Variants in ABCA1 observed in about 807,000 individuals in gnomAD.
The protein encoded by ABCA1 is ATP binding cassette subfamily A member 1.
ABCA1 carries 133 observed loss-of-function variants against 262.5 expected under a neutral mutation model. The observed-to-expected ratio is 0.51, with a 90% CI of 0.44 to 0.59. The LOEUF is 0.59. ABCA1 is among the 20% of genes least tolerant of loss of function. The probability of loss-of-function intolerance (pLI) is 0.00; values close to 1 mark genes in which losing one functional copy is unlikely to be tolerated. For synonymous variants in ABCA1, 1,022 were observed against 1,043.5 expected, an observed-to-expected ratio of 0.98 and a Z score of 0.40; for missense variants, 2,452 against 2,777.5, an observed-to-expected ratio of 0.88 and a Z score of 2.63.
chr9:104,901,615 C>T (rs564074957), intron 2 of ABCA1, among the ~76,000 whole-genome samples: 8 of 152,140 alleles, frequency 5.3e-5, no homozygotes, highest in African/African-American at 1.4e-4. Context: ...GGGATAACCA[C>T]GGGAGGCAGG....
At chr9:104,913,978 T>C (rs1180078530) in intron 1 of ABCA1, among the ~76,000 whole-genome samples, 1 of 151,784 alleles carries the variant, frequency 6.6e-6, no homozygotes, top group Non-Finnish European at 1.5e-5. Context: ...TTTTTGTATT[T>C]TTAGTAGAGA....
intron 1 of ABCA1, among the ~76,000 whole-genome samples, chr9:104,906,045 C>T (rs1841108444): frequency 6.6e-6 from 1 of 152,212 alleles, no homozygotes; most frequent in East Asian, 1.9e-4. Context: ...AATTTCCCAA[C>T]ACAGTACATG....
Position 104,913,448 on chromosome 9 carries a change from A to G in ABCA1, c.-92-9677T>C, listed in dbSNP as rs556324267. 3.9e-5 allele frequency among the ~76,000 whole-genome samples: 6 copies of G among 152,356 alleles called. 1 individual carries two copies. Among genetic ancestry groups the G allele is most frequent in the Non-Finnish European group, 8.8e-5 (6 of 68,034 alleles). ...AGTTCCTGGAACAAAGTAAGTGTAC[A>G]GTAGCTATTACCATGATTAATTCTG... On this transcript the variant is annotated intron_variant, in intron 1 of 49. Transcript: ENST00000374736.
chr9:104,794,614 A>C (rs1488830814), intron 39 of ABCA1, 104 bp from the exon 40 acceptor site: 1 of 1,386,582 alleles, frequency 7.2e-7, no homozygotes, highest in Admixed American at 2.2e-5. Context: ...GAAATATGGG[A>C]GTGAAGAAAA....
intron 1 of ABCA1, among the ~76,000 whole-genome samples, chr9:104,926,304 CTTTG>C (rs532242665): frequency 1.3e-4 from 20 of 152,188 alleles, no homozygotes; most frequent in African/African-American, 2.9e-4. Context: ...CAACTTTTTT[CTTTG>C]TTTATTTTTA....
intron 1 of ABCA1, among the ~76,000 whole-genome samples, chr9:104,920,560 T>C (rs531685446): frequency 3.3e-5 from 5 of 152,228 alleles, no homozygotes; most frequent in South Asian, 2.1e-4. Flanking sequence ...GGAGTCTCGC[T>C]CTGTGCAGTG....
At chr9:104,876,133 C>T (rs1297725273) in intron 5 of ABCA1, among the ~76,000 whole-genome samples, 1 of 152,176 alleles carries the variant, frequency 6.6e-6, no homozygotes, top group Non-Finnish European at 1.5e-5. Flanking sequence ...ACAGCCCTGC[C>T]CACACCACTT....
chr9:104,789,538 G>C (rs977653634), intron 44 of ABCA1, among the ~76,000 whole-genome samples: 2 of 152,192 alleles, frequency 1.3e-5, no homozygotes, highest in Non-Finnish European at 2.9e-5. Context: ...CAAATTGTGA[G>C]TCATTGTTCA....
intron 5 of ABCA1, among the ~76,000 whole-genome samples, chr9:104,868,873 T>C (rs1278325317): frequency 6.6e-6 from 1 of 151,688 alleles, no homozygotes; most frequent in African/African-American, 2.4e-5. Context: ...GAGGAACACA[T>C]TTGCACGTGC....
rs1482552424 is a variant in ABCA1, at chr9:104,858,502, C to T, written c.720+20G>A. On this transcript the variant is annotated intron_variant, in intron 7 of 49. Transcript: ENST00000374736. ...AAAGCATTAGTGCTTGAAGTTTCTC[C>T]AGTGAGCAAGTCTACTCACCAGGAT... 2 of 1,611,684 alleles carry T rather than the reference C, an allele frequency of 1.2e-6. No individual in the cohort carries two copies. Among genetic ancestry groups the T allele is most frequent in the Non-Finnish European group, 1.7e-6 (2 of 1,178,720 alleles).
Position 104,784,969 on chromosome 9 carries a change from C to T in ABCA1, c.6645+427G>A, listed in dbSNP as rs1003253191. ...AAAAACTGACTTTCTATATCGCCCCCCACCCCTACATCACCAACTGCTCAG... is the reference window on the plus strand; with the variant it reads ...AAAAACTGACTTTCTATATCGCCCCTCACCCCTACATCACCAACTGCTCAG... On this transcript the variant is annotated intron_variant, in intron 49 of 49. Transcript: ENST00000374736. Among the ~76,000 whole-genome samples the T allele has an allele frequency of 2.6e-4, 39 of 152,100 alleles. 1 individual carries two copies. The highest frequency in any genetic ancestry group is 2.2e-3 in the Admixed American group (33 of 15,268).
intron 14 of ABCA1, among the ~76,000 whole-genome samples, chr9:104,829,877 A>G (rs1833109720): frequency 6.6e-6 from 1 of 152,042 alleles, no homozygotes; most frequent in African/African-American, 2.4e-5. Flanking sequence ...ACAAGGAAAC[A>G]CACTATTCAA....
intron 9 of ABCA1, among the ~76,000 whole-genome samples, chr9:104,839,524 G>T (rs73663565): frequency 9.9e-5 from 14 of 140,820 alleles, no homozygotes; most frequent in South Asian, 4.5e-4. Flanking sequence ...TTAGTTCTTT[G>T]TTGTTGTTGT....
At chr9:104,878,168 G>A (rs2119158194) in intron 5 of ABCA1, among the ~76,000 whole-genome samples, 1 of 152,288 alleles carries the variant, frequency 6.6e-6, no homozygotes, top group East Asian at 1.9e-4. Context: ...TTTTACATCT[G>A]AGTTGCAGTC....
intron 7 of ABCA1, among the ~76,000 whole-genome samples, chr9:104,848,379 C>A (rs963545288): frequency 1.3e-5 from 2 of 152,038 alleles, no homozygotes; most frequent in African/African-American, 4.8e-5. Flanking sequence ...CTTTGGGAAG[C>A]CAAAGTGGGT....
intron 1 of ABCA1, among the ~76,000 whole-genome samples, chr9:104,905,895 G>A (rs935813177): frequency 2.0e-5 from 3 of 152,138 alleles, no homozygotes; most frequent in African/African-American, 7.2e-5. Context: ...AATTAGCCCC[G>A]GCTTCCCAAC....
At chr9:104,906,499 A>G (rs986672291) in intron 1 of ABCA1, among the ~76,000 whole-genome samples, 8 of 152,250 alleles carry the variant, frequency 5.3e-5, no homozygotes, top group Admixed American at 2.0e-4. Context: ...GCCACAGTAG[A>G]AAGTTCTACC....
rs552512405 is a variant in ABCA1, at chr9:104,867,213, T to A, written c.422-5413A>T. On this transcript the variant is annotated intron_variant, in intron 5 of 49. Coordinates refer to ENST00000374736, the MANE Select transcript of ABCA1 (RefSeq NM_005502.4). ...AGAGGAGAGTCAGGTGAGTGGCAGCTAGAAGCAGAGTGGGGAACAGGAGAG... is the reference window on the plus strand; with the variant it reads ...AGAGGAGAGTCAGGTGAGTGGCAGCAAGAAGCAGAGTGGGGAACAGGAGAG... 1.2e-4 allele frequency among the ~76,000 whole-genome samples: 18 copies of A among 152,240 alleles called. No homozygotes were observed. In the South Asian group the frequency reaches 3.7e-3, roughly 32 times the overall value.
intron 5 of ABCA1, among the ~76,000 whole-genome samples, chr9:104,862,674 C>A (rs1422665327): frequency 0.062 from 556 of 9,012 alleles, 97 homozygotes; most frequent in East Asian, 0.18. Flanking sequence ...CGGGCCGGGC[C>A]GGGCCGGGCC....
Sources: gnomAD v4.1 joint callset for allele counts (sites outside exome capture counted in the v4.1 genomes callset) on GRCh38, gnomAD v4.1.1 for gene constraint, MANE v1.5 for transcripts, NCBI Gene and HGNC (gene_info 2026-07-23, HGNC 2026-07-21) for gene names.